HLF: variants seen among roughly 807,000 people sequenced by gnomAD.
HLF encodes the protein hepatic leukemia factor.
HLF carries 3 observed loss-of-function variants against 22.6 expected under a neutral mutation model. The observed-to-expected ratio is 0.13, with a 90% CI of 0.06 to 0.34. The LOEUF is 0.34. Ranked by LOEUF, HLF falls within the 10% of genes least tolerant of loss-of-function variation. HLF has a pLI of 1.00. For synonymous variants in HLF, 151 were observed against 151.8 expected, an observed-to-expected ratio of 0.99 and a Z score of 0.04; for missense variants, 299 against 389.2, an observed-to-expected ratio of 0.77 and a Z score of 1.95.
rs937285633 is a variant in HLF, at chr17:55,324,187, A to G, written c.*3308A>G. ...CCACTGACCCATCCCTCAAAGCAGA[A>G]GGACCCTTTGAGGAGAGTACAGATG... On this transcript the variant is annotated 3_prime_UTR_variant, in exon 4 of 4. Coordinates refer to ENST00000226067, the MANE Select transcript of HLF (RefSeq NM_002126.5). The G allele has an allele frequency of 3.6e-5, 8 of 225,076 alleles. No individual in the cohort carries two copies. Among genetic ancestry groups the G allele is most frequent in the African/African-American group, 1.8e-4 (8 of 44,912 alleles). 13.9% of individuals were successfully genotyped at this position (225,076 alleles called of 1,614,324 possible).
At chr17:55,307,736 G>A (rs1904646598) in intron 2 of HLF, among the ~76,000 whole-genome samples, 1 of 151,582 alleles carries the variant, frequency 6.6e-6, no homozygotes, top group Non-Finnish European at 1.5e-5. Context: ...GTAAGGCCAG[G>A]TCACTGTTCT....
chr17:55,317,631 G>A (rs1227712533), intron 3 of HLF, among the ~76,000 whole-genome samples: 1 of 152,006 alleles, frequency 6.6e-6, no homozygotes, highest in African/African-American at 2.4e-5. Context: ...AAGACCATGA[G>A]CTAATATAAA....
intron 2 of HLF, among the ~76,000 whole-genome samples, chr17:55,270,931 CG>C (rs2080849539): frequency 6.6e-6 from 1 of 152,160 alleles, no homozygotes; most frequent in African/African-American, 2.4e-5. Context: ...CGTGAGCCAC[CG>C]CGCCCGGCCT....
intron 2 of HLF, among the ~76,000 whole-genome samples, chr17:55,312,313 A>G (rs1203477896): frequency 1.3e-5 from 2 of 152,034 alleles, no homozygotes; most frequent in African/African-American, 2.4e-5. Context: ...TTTCTCTGCA[A>G]CCTCACCAAC....
At chr17:55,301,261 A>C (rs896672799) in intron 2 of HLF, among the ~76,000 whole-genome samples, 3 of 152,212 alleles carry the variant, frequency 2.0e-5, no homozygotes, top group African/African-American at 7.2e-5. Flanking sequence ...GCACCTCCAG[A>C]CTGCATGCTT....
intron 1 of HLF, chr17:55,266,874 C>T: frequency 1.1e-6 from 1 of 880,034 alleles, no homozygotes; most frequent in Non-Finnish European, 1.4e-6. Flanking sequence ...TAGCTGCATA[C>T]TTCCAACATA....
rs2080777981 is a variant in HLF, at chr17:55,265,431, G to T, written c.-54G>T. 21 of 1,047,842 alleles carry T rather than the reference G, an allele frequency of 2.0e-5. 1 individual carries two copies. The South Asian group carries it at 2.7e-4, about 14-fold the overall frequency. 64.9% of individuals were successfully genotyped at this position (1,047,842 alleles called of 1,614,324 possible). The stretch of plus-strand genomic sequence containing the variant: ...AAAGCTCAGCAACATTTTAGGGGGC[G>T]GTTGTTTCTTTCTTATTTCTTTTTT... On this transcript the variant is annotated 5_prime_UTR_variant, in exon 1 of 4. Coordinates refer to ENST00000226067, the MANE Select transcript of HLF (RefSeq NM_002126.5).
chr17:55,312,148 G>A (rs1432088841), intron 2 of HLF, among the ~76,000 whole-genome samples: 1 of 152,184 alleles, frequency 6.6e-6, no homozygotes, highest in East Asian at 1.9e-4. Context: ...GTGTCTTTTT[G>A]ATTGAAGGAT....
intron 2 of HLF, among the ~76,000 whole-genome samples, chr17:55,292,388 C>A (rs1470488277): frequency 6.6e-6 from 1 of 152,110 alleles, no homozygotes; most frequent in African/African-American, 2.4e-5. Flanking sequence ...AAGGCAAGAC[C>A]CATCATAAGT....
At chr17:55,280,831 A>G in intron 2 of HLF, among the ~76,000 whole-genome samples, 1 of 152,218 alleles carries the variant, frequency 6.6e-6, no homozygotes, top group Middle Eastern at 3.2e-3. Flanking sequence ...GATAGGAAAG[A>G]ATGGACTCTT....
intron 2 of HLF, among the ~76,000 whole-genome samples, chr17:55,284,321 T>G (rs2145319691): frequency 6.6e-6 from 1 of 152,302 alleles, no homozygotes; most frequent in South Asian, 2.1e-4. Context: ...GGCAATAGGG[T>G]GAAGTGGGCT....
intron 3 of HLF, among the ~76,000 whole-genome samples, chr17:55,317,995 CAG>C (rs766006190): frequency 2.0e-5 from 3 of 152,164 alleles, no homozygotes; most frequent in Non-Finnish European, 4.4e-5. Flanking sequence ...AACCCTGTAT[CAG>C]GGGCTGGGAA....
At chr17:55,286,447 A>G (rs7223718) in intron 2 of HLF, among the ~76,000 whole-genome samples, 75,293 of 152,002 alleles carry the variant, frequency 0.5, 21,304 homozygotes, top group African/African-American at 0.78. Context: ...AAGAGGTGGT[A>G]TAATTCATTT....
intron 2 of HLF, among the ~76,000 whole-genome samples, chr17:55,291,636 T>G (rs902237743): frequency 6.6e-6 from 1 of 152,224 alleles, no homozygotes; most frequent in Non-Finnish European, 1.5e-5. Flanking sequence ...TGCTAACACA[T>G]TTATTCTTCA....
chr17:55,294,643 C>G (rs1185263473), intron 2 of HLF, among the ~76,000 whole-genome samples: 1 of 152,142 alleles, frequency 6.6e-6, no homozygotes, highest in Non-Finnish European at 1.5e-5. Flanking sequence ...GCCTCTTTTC[C>G]CCAAGTGTGG....
intron 2 of HLF, among the ~76,000 whole-genome samples, chr17:55,310,617 A>T (rs1904787366): frequency 6.6e-6 from 1 of 152,252 alleles, no homozygotes; most frequent in Non-Finnish European, 1.5e-5. Context: ...GTCTTGCAGA[A>T]ACCGGCTAAT....
intron 2 of HLF, 49 bp from the exon 3 acceptor site, chr17:55,315,178 C>G (rs750441913): frequency 7.0e-7 from 1 of 1,422,688 alleles, no homozygotes; most frequent in East Asian, 2.3e-5. Flanking sequence ...TAGCTGCCTA[C>G]TGGGTCTCTC....
At chr17:55,267,620 A>G (rs1363734323) in intron 1 of HLF, 131 bp from the exon 2 acceptor site, 3 of 622,836 alleles carry the variant, frequency 4.8e-6, no homozygotes, top group Admixed American at 6.4e-5. Flanking sequence ...TCTACAAAAG[A>G]CAGCAGCCAG....
intron 3 of HLF, among the ~76,000 whole-genome samples, chr17:55,317,034 C>G (rs889169279): frequency 1.1e-4 from 15 of 137,358 alleles, no homozygotes; most frequent in Admixed American, 5.5e-4. Flanking sequence ...GTGGCACGAT[C>G]TCAGCTCACT....
Sources: gnomAD v4.1 joint callset for allele counts (sites outside exome capture counted in the v4.1 genomes callset) on GRCh38, gnomAD v4.1.1 for gene constraint, MANE v1.5 for transcripts, NCBI Gene and HGNC (gene_info 2026-07-23, HGNC 2026-07-21) for gene names.